Variants in PLG observed in about 807,000 individuals in gnomAD.
The protein encoded by PLG is plasmin.
In PLG, 41 loss-of-function variants were observed where a neutral mutation model predicts 104.4. The observed-to-expected ratio is 0.39, with a 90% confidence interval of 0.31 to 0.51. The LOEUF (loss-of-function observed/expected upper bound fraction) is 0.51, where lower values mean the gene tolerates loss of function less well. Among genes scored for constraint, PLG ranks in the 20% least tolerant of loss-of-function variants. PLG has a pLI of 0.76. For synonymous variants in PLG, 337 were observed against 357.1 expected, an observed-to-expected ratio of 0.94 and a Z score of 0.63; for missense variants, 891 against 1,003.6, an observed-to-expected ratio of 0.89 and a Z score of 1.52.
At chr6:160,718,207 G>C in intron 7 of PLG, 87 bp from the exon 8 acceptor site, 2 of 1,142,436 alleles carry the variant, frequency 1.8e-6, no homozygotes, top group Non-Finnish European at 2.6e-6. Context: ...AGCTGAGATC[G>C]TGCCACTGAC....
At chr6:160,751,677 A>T (rs1778403005) in intron 17 of PLG, among the ~76,000 whole-genome samples, 1 of 152,202 alleles carries the variant, frequency 6.6e-6, no homozygotes, top group African/African-American at 2.4e-5. Context: ...TTAGTTATGA[A>T]GATCATAGCA....
chr6:160,706,330 T>C, intron 1 of PLG, 77 bp from the exon 2 acceptor site: 1 of 1,585,518 alleles, frequency 6.3e-7, no homozygotes, highest in Non-Finnish European at 8.7e-7. Flanking sequence ...ACCAAATAGA[T>C]TAAAAGGAAG....
chr6:160,724,880 G>A lies in PLG; in HGVS notation c.1256+2313G>A, dbSNP rs1195240371. ...TTTTGGTAGAAGAAAAATAGTGCCA[G>A]ATGGGAACTTTATACTAAGTAATGA... On this transcript the variant is annotated intron_variant, in intron 10 of 18. Transcript: ENST00000308192. The surrounding 1 kb of genome is among the most constrained non-coding windows in gnomAD (Gnocchi z 5.0). Among the ~76,000 whole-genome samples the A allele has an allele frequency of 6.6e-6, 1 of 152,148 alleles. No homozygotes were observed. Among genetic ancestry groups the A allele is most frequent in the Non-Finnish European group, 1.5e-5 (1 of 68,008 alleles).
rs4252118 is a variant in PLG, at chr6:160,722,359, CT to C, written c.1097-41del. The C allele has an allele frequency of 2.4e-3, 3,529 of 1,444,812 alleles. 43 individuals are homozygous for C. In the African/African-American group the frequency reaches 0.029, roughly 12 times the overall value. The allele number at this position is 1,444,812 out of a possible 1,614,324, so 89.5% of individuals were successfully genotyped here. On this transcript the variant is annotated intron_variant, in intron 9 of 18. Transcript: ENST00000308192. Reference sequence around the variant, plus strand: ...TTTTGTCATAAATTGCTTCATGCTTCTTTTTTTTCAGTAATTGTTAAGCTTG... The same window carrying C: ...TTTTGTCATAAATTGCTTCATGCTTCTTTTTTTCAGTAATTGTTAAGCTTG...
rs977736721 is a variant in PLG at position 160,744,592 on chromosome 6, C to T, written c.2125+3175C>T. 3.9e-5 allele frequency among the ~76,000 whole-genome samples: 6 copies of T among 152,026 alleles called. No individual in the cohort carries two copies. Among genetic ancestry groups the T allele is most frequent in the Non-Finnish European group, 7.4e-5 (5 of 67,958 alleles). On this transcript the variant is annotated intron_variant, in intron 17 of 18. Coordinates refer to ENST00000308192, the MANE Select transcript of PLG (RefSeq NM_000301.5). This position sits in a 1 kb window ranked among gnomAD's most constrained non-coding sequence, Gnocchi z 4.5. ...AGCTAGCAGCCTACCTATCTTATTA[C>T]TGTTTTCAAAAAACCAACTACTGGA...
chr6:160,722,383 T>C, intron 9 of PLG, 25 bp from the exon 10 acceptor site: 1 of 1,588,396 alleles, frequency 6.3e-7, no homozygotes, highest in Non-Finnish European at 8.6e-7. Context: ...ATTGTTAAGC[T>C]TGATTTCTTT....
In PLG at chr6:160,702,294, C is replaced by T; in HGVS notation, c.-11C>T. On this transcript the variant is annotated 5_prime_UTR_variant, in exon 1 of 19. Transcript: ENST00000308192. ...GGACCCACTTTCTGGGCACTGCTGG[C>T]CAGTCCCAAAATGGAACATAAGGAA... 3 of 1,609,904 alleles carry T rather than the reference C, an allele frequency of 1.9e-6. No individual in the cohort carries two copies. Among genetic ancestry groups the T allele is most frequent in the Non-Finnish European group, 2.5e-6 (3 of 1,179,734 alleles).
chr6:160,717,742 C>T (rs1777763341), intron 7 of PLG, among the ~76,000 whole-genome samples: 1 of 152,188 alleles, frequency 6.6e-6, no homozygotes, highest in Non-Finnish European at 1.5e-5. Context: ...GCAAAGAGAA[C>T]ATAGAAAGAA....
At chr6:160,709,976 T>G (rs1777607628) in intron 3 of PLG, among the ~76,000 whole-genome samples, 1 of 152,246 alleles carries the variant, frequency 6.6e-6, no homozygotes, top group Non-Finnish European at 1.5e-5. Context: ...GCAGAGGCTT[T>G]TCTTCTTCGA....
intron 17 of PLG, among the ~76,000 whole-genome samples, chr6:160,745,629 G>C (rs535799712): frequency 6.6e-6 from 1 of 152,230 alleles, no homozygotes; most frequent in South Asian, 2.1e-4. Context: ...TCTTAAGTTG[G>C]GCATTTAGCC....
chr6:160,722,385 G>C (rs767145040), intron 9 of PLG, 23 bp from the exon 10 acceptor site: 1 of 1,591,722 alleles, frequency 6.3e-7, no homozygotes, highest in South Asian at 1.1e-5. Context: ...TGTTAAGCTT[G>C]ATTTCTTTTA....
In PLG at chr6:160,732,073, T is replaced by C. The variant is rs1236090468; in HGVS notation, c.1587+180T>C. On this transcript the variant is annotated intron_variant, in intron 12 of 18. Transcript: ENST00000308192. This position sits in a 1 kb window ranked among gnomAD's most constrained non-coding sequence, Gnocchi z 4.5. ...AGCTAGAATATAATTGGCCTTAGTA[T>C]GGAAAGTACAAGCAGCACAGGCCAG... Among the ~76,000 whole-genome samples the C allele has an allele frequency of 6.6e-6, 1 of 152,148 alleles. No homozygotes were observed. The highest frequency in any genetic ancestry group is 1.9e-4 in the East Asian group (1 of 5,200).
At chr6:160,707,941 G>T in intron 3 of PLG, 135 bp downstream of exon 3, 1 of 782,526 alleles carries the variant, frequency 1.3e-6, no homozygotes, top group South Asian at 1.5e-5. Context: ...TTCTGAGTTA[G>T]GACAGGATTT....
chr6:160,716,539 C>T (rs544452684), intron 6 of PLG, 106 bp from the exon 7 acceptor site: 10 of 778,178 alleles, frequency 1.3e-5, no homozygotes, highest in African/African-American at 3.4e-5. Context: ...CCTCCATGCC[C>T]GACTGTGCCT....
rs532798973 is a variant in PLG at position 160,736,830 on chromosome 6, C to T, written c.1682-57C>T. ...AGTGCTTGGAATTTGTCTCGAATTA[C>T]ACCACAAAATTGCTACCTTGTCTCA... On this transcript the variant is annotated intron_variant, in intron 13 of 18. Coordinates refer to ENST00000308192, the MANE Select transcript of PLG (RefSeq NM_000301.5). The surrounding 1 kb of genome is among the most constrained non-coding windows in gnomAD (Gnocchi z 5.2). 8 of 1,608,830 alleles carry T rather than the reference C, an allele frequency of 5.0e-6. No homozygotes were observed. In the African/African-American group the frequency reaches 5.3e-5, roughly 11 times the overall value.
rs1381840490 is a variant in PLG, at chr6:160,725,379, A to G, written c.1256+2812A>G. Among the ~76,000 whole-genome samples, 1 of 152,220 alleles carries G rather than the reference A, an allele frequency of 6.6e-6. No individual in the cohort carries two copies. The highest frequency in any genetic ancestry group is 2.4e-5 in the African/African-American group (1 of 41,458). On this transcript the variant is annotated intron_variant, in intron 10 of 18. Transcript: ENST00000308192. This position sits in a 1 kb window ranked among gnomAD's most constrained non-coding sequence, Gnocchi z 6.3. ...TAGTATACTGTTCTAAGTTTCTTGC[A>G]TTATCCATGAAGTTATATAATACAC...
intron 1 of PLG, among the ~76,000 whole-genome samples, chr6:160,704,944 T>C (rs1379423139): frequency 6.6e-6 from 1 of 152,234 alleles, no homozygotes; most frequent in African/African-American, 2.4e-5. Flanking sequence ...CAATGCGCTC[T>C]GCAGTGTGTC....
Position 160,732,009 on chromosome 6 carries a change from G to C in PLG, c.1587+116G>C. ...CTGCTCTTTTTTGTAATGGGGGAGA[G>C]GGGACAGAAGAAAATATTGGAAAGG... is the stretch of plus-strand genomic sequence containing the variant. On this transcript the variant is annotated intron_variant, in intron 12 of 18. Transcript: ENST00000308192. This position sits in a 1 kb window ranked among gnomAD's most constrained non-coding sequence, Gnocchi z 4.5. The C allele has an allele frequency of 2.9e-6, 3 of 1,050,700 alleles. No homozygotes were observed. The highest frequency in any genetic ancestry group is 4.4e-6 in the Non-Finnish European group (3 of 679,416). 65.1% of individuals were successfully genotyped at this position (1,050,700 alleles called of 1,614,324 possible).
rs1554252938 is a variant in PLG at position 160,748,352 on chromosome 6, G to GAAAGAAAGAA, written c.2126-3761_2126-3752dup. 6.0e-4 allele frequency among the ~76,000 whole-genome samples: 15 copies of GAAAGAAAGAA among 25,184 alleles called. 1 individual carries two copies. The highest frequency in any genetic ancestry group is 2.0e-3 in the African/African-American group (15 of 7,570). 16.5% of individuals were successfully genotyped at this position (25,184 alleles called of 152,430 possible). On this transcript the variant is annotated intron_variant, in intron 17 of 18. Transcript: ENST00000308192. Reference sequence around the variant, plus strand: ...AAGGAAAGAAGGAAGAAAAGAAAGAGAAAGAAAGAAAGAAAGAAAGAAAGA... The same window carrying GAAAGAAAGAA: ...AAGGAAAGAAGGAAGAAAAGAAAGAGAAAGAAAGAAAAAGAAAGAAAGAAAGAAAGAAAGA...
Sources: gnomAD v4.1 joint callset for allele counts (sites outside exome capture counted in the v4.1 genomes callset) on GRCh38, gnomAD v4.1.1 for gene constraint, Gnocchi (gnomAD v3.1) non-coding constraint, MANE v1.5 for transcripts, NCBI Gene and HGNC (gene_info 2026-07-23, HGNC 2026-07-21) for gene names.